RNF150: variants seen among roughly 807,000 people sequenced by gnomAD.
RNF150 encodes ring finger protein 150.
RNF150 carries 24 observed loss-of-function variants against 39.3 expected under a neutral mutation model. The ratio of observed to expected loss-of-function variants is 0.61; its 90% CI spans 0.44 to 0.86. The LOEUF (loss-of-function observed/expected upper bound fraction) is 0.86. RNF150 is among the 40% of genes least tolerant of loss of function. RNF150 has a pLI of 0.00. For synonymous variants in RNF150, 255 were observed against 227.3 expected, an observed-to-expected ratio of 1.12 and a Z score of -1.10; for missense variants, 502 against 587.8, an observed-to-expected ratio of 0.85 and a Z score of 1.51.
At chr4:141,096,363 A>AT (rs1738784743) in intron 1 of RNF150, among the ~76,000 whole-genome samples, 2 of 151,442 alleles carry the variant, frequency 1.3e-5, no homozygotes, top group Admixed American at 1.3e-4. Context: ...TGCCTGGCTA[A>AT]TTTTTTGTAA....
intron 1 of RNF150, among the ~76,000 whole-genome samples, chr4:141,001,111 C>A (rs1734653219): frequency 6.6e-6 from 1 of 152,164 alleles, no homozygotes; most frequent in Non-Finnish European, 1.5e-5. Flanking sequence ...TTTCCCATAT[C>A]TGTACTTGAT....
At chr4:141,190,589 C>T (rs1018578129) in intron 1 of RNF150, among the ~76,000 whole-genome samples, 4 of 152,158 alleles carry the variant, frequency 2.6e-5, no homozygotes, top group African/African-American at 4.8e-5. Flanking sequence ...GCATTAGAAA[C>T]GCCTTGCTTG....
chr4:140,892,701 G>A (rs188514854), intron 6 of RNF150, among the ~76,000 whole-genome samples: 14 of 136,394 alleles, frequency 1.0e-4, no homozygotes, highest in African/African-American at 3.4e-4. Context: ...GGATGTCGGC[G>A]ACTTCTTGGC....
intron 1 of RNF150, among the ~76,000 whole-genome samples, chr4:141,077,023 T>C (rs1434549762): frequency 2.6e-5 from 4 of 152,094 alleles, no homozygotes; most frequent in Non-Finnish European, 5.9e-5. Flanking sequence ...CTGGTCATGA[T>C]CCTGAAAAAG....
At chr4:140,951,480 A>G (rs1321784903) in intron 2 of RNF150, among the ~76,000 whole-genome samples, 1 of 152,090 alleles carries the variant, frequency 6.6e-6, no homozygotes, top group Non-Finnish European at 1.5e-5. Flanking sequence ...TTTAATTTAT[A>G]ATCTAGTGAA....
At chr4:141,031,876 C>T (rs1374002931) in intron 1 of RNF150, among the ~76,000 whole-genome samples, 3 of 151,812 alleles carry the variant, frequency 2.0e-5, no homozygotes, top group African/African-American at 7.3e-5. Context: ...TCTAGCAATC[C>T]CATTTGATAC....
chr4:141,047,354 G>C (rs902703214), intron 1 of RNF150, among the ~76,000 whole-genome samples: 5 of 152,122 alleles, frequency 3.3e-5, no homozygotes, highest in African/African-American at 1.2e-4. Context: ...GCTGTCAACA[G>C]GATTTCCATT....
At chr4:141,020,641 AG>A (rs1280430061) in intron 1 of RNF150, among the ~76,000 whole-genome samples, 1 of 152,204 alleles carries the variant, frequency 6.6e-6, no homozygotes, top group Admixed American at 6.5e-5. Context: ...CTAAATAGTC[AG>A]GAAAACATGG....
intron 1 of RNF150, among the ~76,000 whole-genome samples, chr4:141,197,695 G>T (rs552763783): frequency 6.6e-6 from 1 of 152,080 alleles, no homozygotes; most frequent in East Asian, 2.0e-4. Flanking sequence ...TGGCTAACAT[G>T]GTGAAACCCC....
intron 1 of RNF150, among the ~76,000 whole-genome samples, chr4:141,190,946 C>T (rs1462958535): frequency 1.3e-5 from 2 of 152,184 alleles, no homozygotes; most frequent in Non-Finnish European, 2.9e-5. Context: ...TAAACCTTCT[C>T]ATTTCATGTA....
chr4:141,027,122 C>G (rs1735731570), intron 1 of RNF150, among the ~76,000 whole-genome samples: 1 of 152,168 alleles, frequency 6.6e-6, no homozygotes, highest in Non-Finnish European at 1.5e-5. Flanking sequence ...GCAATCATTC[C>G]TCTTCAGTGG....
chr4:141,198,935 A>T (rs1043626575), intron 1 of RNF150, among the ~76,000 whole-genome samples: 1 of 152,244 alleles, frequency 6.6e-6, no homozygotes, highest in African/African-American at 2.4e-5. Context: ...ATGAAAAGAC[A>T]ATTTACAGAC....
chr4:141,009,474 G>A (rs1734994091), intron 1 of RNF150, among the ~76,000 whole-genome samples: 1 of 152,144 alleles, frequency 6.6e-6, no homozygotes, highest in South Asian at 2.1e-4. Flanking sequence ...TCTCCATCTT[G>A]TGTATTATTT....
intron 1 of RNF150, among the ~76,000 whole-genome samples, chr4:141,099,454 G>T (rs2111031929): frequency 6.6e-6 from 1 of 152,184 alleles, no homozygotes; most frequent in South Asian, 2.1e-4. Flanking sequence ...GAGAGAAGCT[G>T]GGGGAAACAA....
chr4:141,066,005 G>A (rs1378061434), intron 1 of RNF150, among the ~76,000 whole-genome samples: 1 of 151,948 alleles, frequency 6.6e-6, no homozygotes, highest in African/African-American at 2.4e-5. Flanking sequence ...GGCATTCTCT[G>A]TGCATGGGTG....
intron 6 of RNF150, among the ~76,000 whole-genome samples, chr4:140,871,481 C>G (rs888175702): frequency 4.6e-5 from 7 of 152,096 alleles, no homozygotes; most frequent in African/African-American, 1.7e-4. Flanking sequence ...AAAATGAGAG[C>G]TGTACTTTAT....
chr4:141,207,971 A>T (rs1162179035), intron 1 of RNF150, among the ~76,000 whole-genome samples: 1 of 152,210 alleles, frequency 6.6e-6, no homozygotes, highest in East Asian at 1.9e-4. Flanking sequence ...AAAACAAAAA[A>T]AAGCGTTGAG....
intron 4 of RNF150, among the ~76,000 whole-genome samples, chr4:140,935,068 A>AATAT (rs1233619969): frequency 8.3e-6 from 1 of 121,078 alleles, no homozygotes; most frequent in Admixed American, 9.0e-5. Flanking sequence ...ATATATATAT[A>AATAT]ATATATATAT....
intron 1 of RNF150, among the ~76,000 whole-genome samples, chr4:141,142,950 A>G (rs540673403): frequency 1.3e-5 from 2 of 150,386 alleles, no homozygotes; most frequent in East Asian, 3.9e-4. Context: ...GCTCACTGCA[A>G]CCTCCACCTC....
Sources: allele counts gnomAD v4.1 joint callset (sites outside exome capture counted in the v4.1 genomes callset), GRCh38; gene constraint gnomAD v4.1.1; transcripts MANE v1.5; gene names NCBI Gene and HGNC (gene_info 2026-07-23, HGNC 2026-07-21).